The following MAMLD1 variants were observed in gnomAD, a reference collection of about 807,000 sequenced individuals.
MAMLD1 encodes mastermind-like domain-containing protein 1.
MAMLD1 carries 14 observed loss-of-function variants against 45.0 expected under a neutral mutation model. The observed-to-expected ratio is 0.31, with a 90% CI of 0.21 to 0.49. MAMLD1 has a LOEUF of 0.49. Among genes scored for constraint, MAMLD1 ranks in the 20% least tolerant of loss-of-function variants. The pLI is 0.99. For missense variants in MAMLD1, 543 were observed against 603.6 expected (o/e 0.90, Z 1.05); for synonymous variants, 254 against 247.8 (o/e 1.02, Z -0.24).
intron 5 of MAMLD1, among the ~76,000 whole-genome samples, chrX:150,481,961 GAAAAAAGAAAGA>G (rs2036789747): frequency 1.0e-4 from 6 of 58,229 alleles, no homozygotes; most frequent in South Asian, 7.3e-4. Context: ...AAGAAAGAAA[GAAAAAAGAAAGA>G]AAGAAAGAAA....
chrX:150,481,423 G>A (rs1247661682), intron 5 of MAMLD1, among the ~76,000 whole-genome samples: 1 of 112,483 alleles, frequency 8.9e-6, no homozygotes, highest in Non-Finnish European at 1.9e-5. Flanking sequence ...ATTGTTGGTG[G>A]GAATGTGAAA....
At chrX:150,472,628 G>T (rs2148304293) in intron 4 of MAMLD1, among the ~76,000 whole-genome samples, 1 of 112,450 alleles carries the variant, frequency 8.9e-6, no homozygotes, top group South Asian at 3.7e-4. Context: ...CTTCATCTGA[G>T]TGAGCATGAG....
At position 150,512,769 on chromosome X, in the gene MAMLD1, C is replaced by A. The variant is rs782632424; in HGVS notation, c.*810C>A. The A allele has an allele frequency of 8.7e-7, 1 of 1,155,641 alleles. No individual in the cohort carries two copies. The highest frequency in any genetic ancestry group is 1.1e-6 in the Non-Finnish European group (1 of 872,371). On this transcript the variant is annotated 3_prime_UTR_variant, in exon 8 of 8. Coordinates refer to ENST00000370401, the MANE Select transcript of MAMLD1 (RefSeq NM_005491.5). ...GTGGCTGCTGCTGCCACCGCTGCTG[C>A]TGCTTCTGCCGTTGCTGCCAGCCAG... is the stretch of plus-strand genomic sequence containing the variant.
At chrX:150,377,665 C>T (rs1463355321) in intron 1 of MAMLD1, among the ~76,000 whole-genome samples, 1 of 111,363 alleles carries the variant, frequency 9.0e-6, no homozygotes, top group Non-Finnish European at 1.9e-5. Flanking sequence ...TAATTGATCA[C>T]TTCTAACTCT....
intron 1 of MAMLD1, among the ~76,000 whole-genome samples, chrX:150,367,176 C>T (rs1290427799): frequency 9.2e-6 from 1 of 108,200 alleles, no homozygotes; most frequent in African/African-American, 3.4e-5. Context: ...TGTTTTCCTG[C>T]CACTGACGCT....
intron 1 of MAMLD1, among the ~76,000 whole-genome samples, chrX:150,405,793 G>T (rs2033979141): frequency 9.0e-6 from 1 of 111,432 alleles, no homozygotes; most frequent in East Asian, 2.8e-4. Context: ...GAGGCCCCCT[G>T]CTGGACAGAG....
intron 1 of MAMLD1, among the ~76,000 whole-genome samples, chrX:150,434,242 T>A (rs183471370): frequency 2.6e-4 from 29 of 111,638 alleles, no homozygotes; most frequent in Admixed American, 2.6e-3. Context: ...GTTGGGTCAG[T>A]GATAACATGC....
At chrX:150,364,453 CT>C (rs2124433286) in intron 1 of MAMLD1, among the ~76,000 whole-genome samples, 1 of 113,098 alleles carries the variant, frequency 8.8e-6, no homozygotes, top group African/African-American at 3.2e-5. Flanking sequence ...AAACACGCGC[CT>C]CGGGCTGGAG....
rs782447568 is a variant in MAMLD1, at chrX:150,463,972, C to A, written c.171+1126C>A. 7.9e-4 allele frequency among the ~76,000 whole-genome samples: 89 copies of A among 112,266 alleles called. No individual in the cohort carries two copies. The South Asian group carries it at 0.031, about 40-fold the overall frequency. On this transcript the variant is annotated intron_variant, in intron 3 of 7. Coordinates refer to ENST00000370401, the MANE Select transcript of MAMLD1 (RefSeq NM_005491.5). Reference sequence around the variant, plus strand: ...GCAACAGAGGCCCAACACGAAGACACAGGGCCTTGAGAATGATATCAGTAG... The same window carrying A: ...GCAACAGAGGCCCAACACGAAGACAAAGGGCCTTGAGAATGATATCAGTAG...
At chrX:150,507,951 T>C (rs781814904) in intron 6 of MAMLD1, among the ~76,000 whole-genome samples, 1 of 112,185 alleles carries the variant, frequency 8.9e-6, no homozygotes, top group African/African-American at 3.2e-5. Flanking sequence ...GGGATGGAGT[T>C]AAGGACCGTT....
chrX:150,492,434 G>A (rs1354054518), intron 5 of MAMLD1, among the ~76,000 whole-genome samples: 1 of 112,364 alleles, frequency 8.9e-6, no homozygotes, highest in Admixed American at 9.4e-5. Flanking sequence ...TTTGCTTCTT[G>A]TATAGATCTG....
At chrX:150,454,851 T>C (rs985293366) in intron 2 of MAMLD1, among the ~76,000 whole-genome samples, 1 of 109,828 alleles carries the variant, frequency 9.1e-6, no homozygotes, top group Non-Finnish European at 1.9e-5. Flanking sequence ...ACCATCCCAA[T>C]TGCCACCACC....
chrX:150,406,817 C>T (rs1557402695), intron 1 of MAMLD1, among the ~76,000 whole-genome samples: 17 of 111,108 alleles, frequency 1.5e-4, no homozygotes, highest in African/African-American at 2.3e-4. Flanking sequence ...CCTTCATTTG[C>T]GCTCTCCACT....
intron 3 of MAMLD1, among the ~76,000 whole-genome samples, chrX:150,465,608 C>G (rs1557405851): frequency 1.8e-5 from 2 of 112,326 alleles, no homozygotes; most frequent in Non-Finnish European, 3.8e-5. Flanking sequence ...CACTCACTCC[C>G]TCCCCCTTCC....
intron 1 of MAMLD1, among the ~76,000 whole-genome samples, chrX:150,382,765 A>G (rs1854510071): frequency 9.0e-6 from 1 of 111,362 alleles, no homozygotes; most frequent in African/African-American, 3.2e-5. Flanking sequence ...AATAAGTGAA[A>G]ATATTTTAAA....
intron 1 of MAMLD1, among the ~76,000 whole-genome samples, chrX:150,442,091 C>T (rs1305492408): frequency 4.8e-5 from 5 of 104,167 alleles, no homozygotes; most frequent in Non-Finnish European, 9.8e-5. Flanking sequence ...TATCTAATAT[C>T]ACTAGAGCCA....
rs1557402579 is a variant in MAMLD1, at chrX:150,403,968, G to GAAAGAAAGAAAGAA, written c.-64+40440_-64+40453dup. On this transcript the variant is annotated intron_variant, in intron 1 of 7. Transcript: ENST00000370401. The stretch of plus-strand genomic sequence containing the variant: ...AGAAAGAAAGAAAGAAAGAAAGAAA[G>GAAAGAAAGAAAGAA]AAAGAAAGAAAGAAAGAAAGAAAGA... Among the ~76,000 whole-genome samples, 701 of 89,871 alleles carry GAAAGAAAGAAAGAA rather than the reference G, an allele frequency of 7.8e-3. 2 individuals carry two copies. Among genetic ancestry groups the GAAAGAAAGAAAGAA allele is most frequent in the Middle Eastern group, 0.012 (2 of 173 alleles). The allele number at this position is 89,871 out of a possible 115,157, so 78.0% of individuals were successfully genotyped here.
chrX:150,426,175 C>T (rs1223377642), intron 1 of MAMLD1, among the ~76,000 whole-genome samples: 3 of 111,642 alleles, frequency 2.7e-5, no homozygotes, highest in East Asian at 2.8e-4. Flanking sequence ...ATCAAGGCAT[C>T]CTACTTTATT....
intron 1 of MAMLD1, among the ~76,000 whole-genome samples, chrX:150,443,092 A>C (rs1329027673): frequency 9.0e-6 from 1 of 111,549 alleles, no homozygotes; most frequent in African/African-American, 3.2e-5. Context: ...TTCATGTTTC[A>C]GAAGTTTTGT....
Sources: gnomAD v4.1 joint callset for allele counts (sites outside exome capture counted in the v4.1 genomes callset) on GRCh38, gnomAD v4.1.1 for gene constraint, MANE v1.5 for transcripts, NCBI Gene and HGNC (gene_info 2026-07-23, HGNC 2026-07-21) for gene names.